The following ZNRF3 variants were observed in gnomAD, a reference collection of about 807,000 sequenced individuals.
ZNRF3 encodes the protein E3 ubiquitin-protein ligase ZNRF3.
ZNRF3 carries 23 observed loss-of-function variants against 72.5 expected under a neutral mutation model. The observed-to-expected ratio is 0.32, with a 90% CI of 0.23 to 0.45. ZNRF3 has a LOEUF of 0.45. Among genes scored for constraint, ZNRF3 ranks in the 20% least tolerant of loss-of-function variants. The pLI is 1.00. For synonymous variants in ZNRF3, 610 were observed against 545.3 expected, an observed-to-expected ratio of 1.12 and a Z score of -1.65; for missense variants, 1,169 against 1,272.1, an observed-to-expected ratio of 0.92 and a Z score of 1.23.
In ZNRF3 at chr22:28,942,608, G is replaced by A. The variant is rs377668546; in HGVS notation, c.301-44468G>A. On this transcript the variant is annotated intron_variant, in intron 1 of 8. Transcript: ENST00000544604. ...CGAGAGAGTGGAATTTGATTCTCTA[G>A]CGGTCTCTTACCCTGGAATCCTGTA... Among the ~76,000 whole-genome samples, 94 of 152,292 alleles carry A rather than the reference G, an allele frequency of 6.2e-4. 3 individuals carry two copies. In the South Asian group the frequency reaches 0.012, roughly 19 times the overall value.
Position 29,042,476 on chromosome 22 carries a change from G to GT in ZNRF3, c.427-12dup, listed in dbSNP as rs747869236. On this transcript the variant is annotated intron_variant, in intron 2 of 8. Coordinates refer to ENST00000544604, the MANE Select transcript of ZNRF3 (RefSeq NM_001206998.2). ...AAGAGGACCAGAGGGCCAACCTGCT[G>GT]TTTTTTTAACTCTGGCAGGCCAAGC... is the stretch of plus-strand genomic sequence containing the variant. 29 of 1,613,154 alleles carry GT rather than the reference G, an allele frequency of 1.8e-5. No individual in the cohort carries two copies. The highest frequency in any genetic ancestry group is 6.7e-5 in the African/African-American group (5 of 74,866).
In ZNRF3 at chr22:28,889,857, G is replaced by A. The variant is rs902337754; in HGVS notation, c.300+5791G>A. On this transcript the variant is annotated intron_variant, in intron 1 of 8. Transcript: ENST00000544604. Reference sequence around the variant, plus strand: ...TGAAAAATGAAACGGAGCACCTGTCGCTGTTGAAATGCCTGAAGAGTAGCT... The same window carrying A: ...TGAAAAATGAAACGGAGCACCTGTCACTGTTGAAATGCCTGAAGAGTAGCT... 3.3e-5 allele frequency among the ~76,000 whole-genome samples: 5 copies of A among 152,256 alleles called. No individual in the cohort carries two copies. The South Asian group carries it at 6.2e-4, about 19-fold the overall frequency.
At chr22:28,912,889 C>T (rs1391721734) in intron 1 of ZNRF3, among the ~76,000 whole-genome samples, 1 of 152,134 alleles carries the variant, frequency 6.6e-6, no homozygotes, top group Non-Finnish European at 1.5e-5. Flanking sequence ...TGGTCTTGAA[C>T]TCCTGACCTC....
chr22:28,992,916 G>T (rs1448143505), intron 2 of ZNRF3: 1 of 152,052 alleles, frequency 6.6e-6, no homozygotes, highest in Non-Finnish European at 1.5e-5. Flanking sequence ...GTTTTACAGA[G>T]TGGGGGTTGT....
rs760612643 is a variant in ZNRF3 at position 29,050,466 on chromosome 22, A to G, written c.2285A>G (p.His762Arg). 1.9e-6 allele frequency: 3 copies of G among 1,612,378 alleles called. No individual in the cohort carries two copies. The Admixed American group carries it at 5.0e-5, about 27-fold the overall frequency. The change falls in exon 8 of 9, where the codon CAC becomes CGC. Residue 762 changes from histidine to arginine, a missense_variant. His to Arg is a conservative substitution (Grantham distance 29, BLOSUM62 0). Coordinates refer to ENST00000544604, the MANE Select transcript of ZNRF3 (RefSeq NM_001206998.2). ...AGCTCCCAGGGCTTGTACGGCCTTC[A>G]CCCCGACCATTTGCCCAGGACAGAT... The part of the protein sequence containing the change: ...SGSSQGLYGL[H>R]PDHLPRTDGV...
intron 1 of ZNRF3, among the ~76,000 whole-genome samples, chr22:28,945,603 C>T (rs1305247483): frequency 6.6e-6 from 1 of 151,244 alleles, no homozygotes; most frequent in East Asian, 1.9e-4. Context: ...GATCTTGGCT[C>T]ACTGCAACCT....
chr22:28,990,431 T>A (rs909111588), intron 2 of ZNRF3, among the ~76,000 whole-genome samples: 1 of 152,162 alleles, frequency 6.6e-6, no homozygotes, highest in Admixed American at 6.5e-5. Context: ...ACACTTGTAA[T>A]CCCAGCACTT....
chr22:28,999,584 C>G (rs779603578), intron 2 of ZNRF3, among the ~76,000 whole-genome samples: 4 of 152,178 alleles, frequency 2.6e-5, no homozygotes, highest in Non-Finnish European at 4.4e-5. Context: ...TGGAGACAAG[C>G]CCAAAAGTCC....
intron 2 of ZNRF3, among the ~76,000 whole-genome samples, chr22:28,999,163 C>CAAA (rs10601140): frequency 0.011 from 701 of 63,386 alleles, 1 homozygote; most frequent in South Asian, 0.038. Context: ...AATAAAAATA[C>CAAA]AAAAAAAAAA....
At chr22:29,010,341 G>A (rs1463366696) in intron 2 of ZNRF3, among the ~76,000 whole-genome samples, 1 of 152,184 alleles carries the variant, frequency 6.6e-6, no homozygotes, top group Non-Finnish European at 1.5e-5. Context: ...TGTGAGTGGA[G>A]TCGTGTATTT....
chr22:29,004,472 C>T (rs1351001957), intron 2 of ZNRF3, among the ~76,000 whole-genome samples: 2 of 152,130 alleles, frequency 1.3e-5, no homozygotes, highest in African/African-American at 2.4e-5. Flanking sequence ...TGAAAGAAGA[C>T]CCAAAAGCAG....
chr22:28,974,349 GA>G (rs1366218062), intron 1 of ZNRF3, among the ~76,000 whole-genome samples: 2 of 152,278 alleles, frequency 1.3e-5, no homozygotes, highest in East Asian at 3.9e-4. Flanking sequence ...CAATTCATGG[GA>G]AAAAGCCCTG....
rs2037311170 is a variant in ZNRF3, at chr22:29,056,942, G to C, written c.*3320G>C. Reference sequence around the variant, plus strand: ...TGCAGGACTAATGCTTTTAAAATGAGGTCTAAAAAATAATTACTAGTCGAG... The same window carrying C: ...TGCAGGACTAATGCTTTTAAAATGACGTCTAAAAAATAATTACTAGTCGAG... On this transcript the variant is annotated 3_prime_UTR_variant, in exon 9 of 9. Transcript: ENST00000544604. 6.6e-6 allele frequency: 1 copy of C among 151,996 alleles called. No individual in the cohort carries two copies. The highest frequency in any genetic ancestry group is 1.5e-5 in the Non-Finnish European group (1 of 67,984). The allele number at this position is 151,996 out of a possible 1,614,324, so 9.4% of individuals were successfully genotyped here. A position where few individuals can be genotyped will look rare whatever the true frequency, so the allele number is the denominator to read the frequency against.
At chr22:28,992,520 T>G (rs1311678414) in intron 2 of ZNRF3, among the ~76,000 whole-genome samples, 1 of 152,048 alleles carries the variant, frequency 6.6e-6, no homozygotes, top group East Asian at 1.9e-4. Context: ...TCTCTGGGTT[T>G]TGAGTCTGAA....
intron 2 of ZNRF3, among the ~76,000 whole-genome samples, chr22:29,022,762 A>G (rs2036562623): frequency 6.6e-6 from 1 of 152,218 alleles, no homozygotes; most frequent in Non-Finnish European, 1.5e-5. Context: ...TATATTTGAA[A>G]ATACTTTAAT....
chr22:28,915,886 CTT>C (rs2034399017), intron 1 of ZNRF3, among the ~76,000 whole-genome samples: 1 of 152,202 alleles, frequency 6.6e-6, no homozygotes, highest in Non-Finnish European at 1.5e-5. Context: ...CCAGTGCTAA[CTT>C]TATGTCTTCT....
At chr22:28,903,350 C>T (rs2034144945) in intron 1 of ZNRF3, among the ~76,000 whole-genome samples, 1 of 152,190 alleles carries the variant, frequency 6.6e-6, no homozygotes, top group Admixed American at 6.5e-5. Context: ...GATTGCTCCT[C>T]TGGATCCAGC....
intron 6 of ZNRF3, among the ~76,000 whole-genome samples, chr22:29,047,947 A>T (rs1331876718): frequency 1.2e-4 from 19 of 152,144 alleles, no homozygotes; most frequent in Admixed American, 1.2e-3. Context: ...AGTCCCAGGT[A>T]TCTTCCTTTC....
At chr22:28,937,792 A>G (rs1401712815) in intron 1 of ZNRF3, among the ~76,000 whole-genome samples, 2 of 152,206 alleles carry the variant, frequency 1.3e-5, no homozygotes, top group Non-Finnish European at 2.9e-5. Flanking sequence ...TATAATGAAT[A>G]TATTCATACA....
Sources: gnomAD v4.1 joint callset for allele counts (sites outside exome capture counted in the v4.1 genomes callset) on GRCh38, gnomAD v4.1.1 for gene constraint, MANE v1.5 for transcripts, NCBI Gene and HGNC (gene_info 2026-07-23, HGNC 2026-07-21) for gene names.